The following COX16 variants were observed in gnomAD, a reference collection of about 807,000 sequenced individuals.
COX16 encodes cytochrome c oxidase assembly protein COX16 homolog, mitochondrial.
Under a neutral mutation model 15.4 loss-of-function variants are expected in COX16, and 12 were observed. That is an observed-to-expected ratio of 0.78 (90% CI 0.50 to 1.26). The LOEUF is 1.26. COX16 is among the 50% of genes most tolerant of loss of function. COX16 has a pLI of 0.00. For synonymous variants in COX16, 46 were observed against 41.1 expected (o/e 1.12, Z -0.46); for missense variants, 124 against 127.6 (o/e 0.97, Z 0.14).
At chr14:70,348,095 A>AC (rs1886837045) in intron 1 of COX16, among the ~76,000 whole-genome samples, 1 of 151,918 alleles carries the variant, frequency 6.6e-6, no homozygotes, top group South Asian at 2.1e-4. Context: ...TAAGAGACCC[A>AC]CCCTCCAGGT....
intron 1 of COX16, among the ~76,000 whole-genome samples, chr14:70,349,263 C>T (rs1886872242): frequency 6.6e-6 from 1 of 152,210 alleles, no homozygotes; most frequent in African/African-American, 2.4e-5. Context: ...TTCCTACCCA[C>T]CAAGCCCGGG....
intron 2 of COX16, among the ~76,000 whole-genome samples, chr14:70,331,088 A>C (rs1296208528): frequency 6.6e-6 from 1 of 152,118 alleles, no homozygotes; most frequent in Non-Finnish European, 1.5e-5. Context: ...GCTCACTGCA[A>C]CCTCTGCCTC....
chr14:70,357,655 A>C (rs989764088), intron 1 of COX16, among the ~76,000 whole-genome samples: 1 of 152,246 alleles, frequency 6.6e-6, no homozygotes, highest in Admixed American at 6.5e-5. Flanking sequence ...TGCTCAACAT[A>C]ATAAGTCGTT....
chr14:70,340,892 A>G (rs1886605180), intron 2 of COX16, among the ~76,000 whole-genome samples: 1 of 151,854 alleles, frequency 6.6e-6, no homozygotes, highest in African/African-American at 2.4e-5. Flanking sequence ...AAAACTATAC[A>G]CCTCTCCTTG....
intron 2 of COX16, among the ~76,000 whole-genome samples, chr14:70,330,972 T>C (rs1388825811): frequency 6.6e-6 from 1 of 152,060 alleles, no homozygotes; most frequent in Non-Finnish European, 1.5e-5. Context: ...AAATGTTTCT[T>C]AAAAATCATA....
chr14:70,329,162 AACATACCG>A lies in COX16; in HGVS notation c.204+4_204+11del. 6.2e-7 allele frequency: 1 copy of A among 1,603,280 alleles called. No individual in the cohort carries two copies. Among genetic ancestry groups the A allele is most frequent in the Non-Finnish European group, 8.5e-7 (1 of 1,175,098 alleles). On this transcript the variant is annotated splice_donor_5th_base_variant and intron_variant, in intron 3 of 3. Transcript: ENST00000389912. ...ATTGTTATAAGACAGAGACTATATT[AACATACCG>A]TACCTCATATTCCGACTCTAAAGAT...
intron 2 of COX16, among the ~76,000 whole-genome samples, chr14:70,332,235 C>T (rs1886312965): frequency 2.0e-5 from 3 of 152,224 alleles, no homozygotes; most frequent in African/African-American, 7.2e-5. Context: ...CCTTCAGCTG[C>T]AGGTCCCAGC....
At chr14:70,356,387 A>G (rs1887126904) in intron 1 of COX16, among the ~76,000 whole-genome samples, 1 of 152,128 alleles carries the variant, frequency 6.6e-6, no homozygotes, top group Non-Finnish European at 1.5e-5. Context: ...AGCTCAGGCA[A>G]TAATGCCCAC....
chr14:70,339,337 C>T (rs1352689714), intron 2 of COX16, among the ~76,000 whole-genome samples: 1 of 152,170 alleles, frequency 6.6e-6, no homozygotes, highest in Non-Finnish European at 1.5e-5. Flanking sequence ...TTGCTTCCAG[C>T]CCTTACTTTT....
intron 2 of COX16, 119 bp downstream of exon 2, chr14:70,342,539 C>T: frequency 1.1e-6 from 1 of 880,244 alleles, no homozygotes; most frequent in Non-Finnish European, 1.6e-6. Context: ...ACAAAGATCA[C>T]ATCTTAGTGT....
chr14:70,334,773 T>C (rs1434604771), intron 2 of COX16, among the ~76,000 whole-genome samples: 1 of 151,628 alleles, frequency 6.6e-6, no homozygotes, highest in South Asian at 2.1e-4. Context: ...GTTAATCACA[T>C]AAAAAGGAAT....
At position 70,352,706 on chromosome 14, in the gene COX16, C is replaced by T. The variant is rs868217409; in HGVS notation, c.69+6813G>A. On this transcript the variant is annotated intron_variant, in intron 1 of 3. Coordinates refer to ENST00000389912, the MANE Select transcript of COX16 (RefSeq NM_016468.7). ...TGTCACTCAGGCTGGAGTGCAGTGG[C>T]GCGATCTCGGCTCACTGCAACCTCT... 8.6e-4 allele frequency among the ~76,000 whole-genome samples: 105 copies of T among 121,460 alleles called. 1 individual carries two copies. Among genetic ancestry groups the T allele is most frequent in the Middle Eastern group, 0.015 (2 of 134 alleles). The allele number at this position is 121,460 out of a possible 152,430, so 79.7% of individuals were successfully genotyped here.
intron 2 of COX16, 84 bp downstream of exon 2, chr14:70,342,574 A>C: frequency 1.5e-6 from 2 of 1,339,094 alleles, no homozygotes; most frequent in South Asian, 3.2e-5. Flanking sequence ...AACTCAGACT[A>C]CTTAGTATAC....
intron 1 of COX16, 145 bp downstream of exon 1, chr14:70,359,374 A>G: frequency 4.1e-6 from 3 of 726,376 alleles, no homozygotes; most frequent in Non-Finnish European, 7.4e-6. Context: ...AAGAGCTTTT[A>G]GGAAAGCTCT....
At chr14:70,332,013 C>T (rs1192659220) in intron 2 of COX16, among the ~76,000 whole-genome samples, 1 of 152,246 alleles carries the variant, frequency 6.6e-6, no homozygotes, top group Non-Finnish European at 1.5e-5. Flanking sequence ...GGATGATCCA[C>T]TGAGCTTGCT....
At position 70,326,115 on chromosome 14, in the gene COX16, G is replaced by A. The variant is rs181615751; in HGVS notation, c.*218C>T. 3 of 287,272 alleles carry A rather than the reference G, an allele frequency of 1.0e-5. No homozygotes were observed. The highest frequency in any genetic ancestry group is 6.1e-5 in the East Asian group (1 of 16,478). 17.8% of individuals were successfully genotyped at this position (287,272 alleles called of 1,614,324 possible). A position where few individuals can be genotyped will look rare whatever the true frequency, so the allele number is the denominator to read the frequency against. ...TTTTATTTCGAGGTGTAAAATATAC[G>A]TGGCCAACATTGTTACTTTCATCCA... On this transcript the variant is annotated 3_prime_UTR_variant, in exon 4 of 4. Coordinates refer to ENST00000389912, the MANE Select transcript of COX16 (RefSeq NM_016468.7).
At chr14:70,326,489 A>T in intron 3 of COX16, 40 bp from the exon 4 acceptor site, 1 of 1,480,866 alleles carries the variant, frequency 6.8e-7, no homozygotes, top group Non-Finnish European at 9.0e-7. Context: ...ATATTAGTAT[A>T]AGAGCCTGTG....
intron 1 of COX16, among the ~76,000 whole-genome samples, chr14:70,344,566 G>A (rs891909540): frequency 1.3e-5 from 2 of 152,184 alleles, no homozygotes; most frequent in East Asian, 1.9e-4. Flanking sequence ...ATTGTGTGTC[G>A]CTCTTATAAA....
rs1886072459 is a variant in COX16, at chr14:70,326,333, T to G, written c.321A>C (p.Ter107CysextTer3). The change falls in exon 4 of 4, where the codon TGA (stop) becomes TGC (cysteine). Residue 107 changes from the stop codon to cysteine (C), a stop_lost. Transcript: ENST00000389912. ...AAAAAGGAAAAAAGAATCAGCAGAG[T>G]CAAGTTGTCTTAGTCTTAAGGCTTT... ...NPESLKTKTT[*>C] 1 of 1,481,378 alleles carries G rather than the reference T, an allele frequency of 6.8e-7. No homozygotes were observed. The highest frequency in any genetic ancestry group is 9.0e-7 in the Non-Finnish European group (1 of 1,117,186). The allele number at this position is 1,481,378 out of a possible 1,614,324, so 91.8% of individuals were successfully genotyped here. A position where few individuals can be genotyped will look rare whatever the true frequency, so the allele number is the denominator to read the frequency against.
Sources: gnomAD v4.1 joint callset for allele counts (sites outside exome capture counted in the v4.1 genomes callset) on GRCh38, gnomAD v4.1.1 for gene constraint, MANE v1.5 for transcripts, NCBI Gene and HGNC (gene_info 2026-07-23, HGNC 2026-07-21) for gene names.